The following RCBTB1 variants were observed in gnomAD, a reference collection of about 807,000 sequenced individuals.
RCBTB1 encodes RCC1 and BTB domain-containing protein 1.
A neutral mutation model predicts 62.4 loss-of-function variants in RCBTB1; 46 were observed. The ratio of observed to expected loss-of-function variants is 0.74; its 90% CI spans 0.58 to 0.94. The LOEUF is 0.94. RCBTB1 is among the 40% of genes least tolerant of loss of function. The pLI is 0.00. For missense variants in RCBTB1, 565 were observed against 654.9 expected, an observed-to-expected ratio of 0.86 and a Z score of 1.50; for synonymous variants, 222 against 245.8, an observed-to-expected ratio of 0.90 and a Z score of 0.91.
In RCBTB1 at chr13:49,560,036, T is replaced by C; in HGVS notation, c.326A>G (p.Asn109Ser). The C allele has an allele frequency of 6.2e-7, 1 of 1,614,194 alleles. No homozygotes were observed. The highest frequency in any genetic ancestry group is 2.2e-5 in the East Asian group (1 of 44,884). The change falls in exon 5 of 13, where the codon AAT (asparagine) becomes AGT (serine). Residue 109 changes from asparagine (N) to serine (S), a missense_variant. By Grantham distance (46) the Asn-to-Ser change is conservative. Coordinates refer to ENST00000378302, the MANE Select transcript of RCBTB1 (RefSeq NM_018191.4). ...WGHNGYSQLG[N>S]GTTNQGIAPV... ...AGCAATGCCTTGGTTGGTCGTCCCATTCCCAAGCTGGCTATATCCATTGTG... is the reference window on the plus strand; with the variant it reads ...AGCAATGCCTTGGTTGGTCGTCCCACTCCCAAGCTGGCTATATCCATTGTG...
intron 12 of RCBTB1, among the ~76,000 whole-genome samples, chr13:49,537,227 G>A (rs1960008899): frequency 6.6e-6 from 1 of 152,128 alleles, no homozygotes; most frequent in Non-Finnish European, 1.5e-5. Context: ...TAAAGTAACT[G>A]CAAGACAAAA....
intron 1 of RCBTB1, among the ~76,000 whole-genome samples, chr13:49,584,656 T>A (rs927349171): frequency 6.6e-6 from 1 of 152,114 alleles, no homozygotes; most frequent in Non-Finnish European, 1.5e-5. Context: ...GGGCTTTTAG[T>A]CCTCCCAAAA....
intron 2 of RCBTB1, among the ~76,000 whole-genome samples, chr13:49,567,853 A>G (rs1963131615): frequency 6.6e-6 from 1 of 152,246 alleles, no homozygotes; most frequent in Non-Finnish European, 1.5e-5. Context: ...TTGTCACTGC[A>G]TAGCCAGACT....
intron 8 of RCBTB1, among the ~76,000 whole-genome samples, chr13:49,550,878 G>T (rs1961268086): frequency 6.6e-6 from 1 of 152,204 alleles, no homozygotes; most frequent in South Asian, 2.1e-4. Context: ...GAGGTGGGTA[G>T]ATCACTTGAG....
At chr13:49,542,213 CA>C (rs11285149) in intron 10 of RCBTB1, among the ~76,000 whole-genome samples, 113,724 of 139,326 alleles carry the variant, frequency 0.82, 45,973 homozygotes, top group African/African-American at 0.84. Context: ...AACTCCGTCT[CA>C]AAAAAAAAAA....
In RCBTB1 at chr13:49,566,585, C is replaced by T. The variant is rs1245431675; in HGVS notation, c.277+33G>A. 2.5e-6 allele frequency: 4 copies of T among 1,599,050 alleles called. No individual in the cohort carries two copies. In the South Asian group the frequency reaches 3.4e-5, roughly 13 times the overall value. ...TTAGAATTAACCGGTCAATTTCTTACAAACTGAAAAGTTAGATGGGTTCCC... is the reference window on the plus strand; with the variant it reads ...TTAGAATTAACCGGTCAATTTCTTATAAACTGAAAAGTTAGATGGGTTCCC... On this transcript the variant is annotated intron_variant, in intron 4 of 12. Transcript: ENST00000378302.
intron 5 of RCBTB1, among the ~76,000 whole-genome samples, chr13:49,557,543 G>A (rs1322332771): frequency 6.6e-6 from 1 of 151,836 alleles, no homozygotes; most frequent in African/African-American, 2.4e-5. Context: ...TAAGGATGGG[G>A]TCACTAAAAA....
At position 49,534,264 on chromosome 13, in the gene RCBTB1, T is replaced by C; in HGVS notation, c.1456-2A>G. On this transcript the variant is annotated splice_acceptor_variant, in intron 12 of 12. Coordinates refer to ENST00000378302, the MANE Select transcript of RCBTB1 (RefSeq NM_018191.4). LOFTEE classifies it high-confidence loss of function. ...CTTAAAGCAGAATTCTTCTAAATCCTGGACACACAACAAAAATAAAAACAA... is the reference window on the plus strand; with the variant it reads ...CTTAAAGCAGAATTCTTCTAAATCCCGGACACACAACAAAAATAAAAACAA... The C allele has an allele frequency of 6.2e-7, 1 of 1,608,064 alleles. No individual in the cohort carries two copies. Among genetic ancestry groups the C allele is most frequent in the Admixed American group, 1.7e-5 (1 of 58,774 alleles).
At chr13:49,577,855 AATG>A (rs975973701) in intron 2 of RCBTB1, among the ~76,000 whole-genome samples, 1 of 152,220 alleles carries the variant, frequency 6.6e-6, no homozygotes, top group African/African-American at 2.4e-5. Flanking sequence ...TAATATGCAA[AATG>A]ATATTTTTAA....
At chr13:49,563,378 A>AAAAAAC (rs1305044912) in intron 4 of RCBTB1, among the ~76,000 whole-genome samples, 1 of 151,038 alleles carries the variant, frequency 6.6e-6, no homozygotes, top group Non-Finnish European at 1.5e-5. Context: ...AAAAAAAAAA[A>AAAAAAC]AAGGCCAGGC....
At chr13:49,572,428 G>C (rs1963466823) in intron 2 of RCBTB1, among the ~76,000 whole-genome samples, 4 of 151,936 alleles carry the variant, frequency 2.6e-5, no homozygotes, top group Admixed American at 2.0e-4. Flanking sequence ...AAACATGAAA[G>C]AAAAGTATTA....
Position 49,549,570 on chromosome 13 carries a change from G to A in RCBTB1, c.933C>T (p.Gly311=). The change falls in exon 9 of 13, where the codon GGC becomes GGT. Residue 311 remains glycine, a synonymous_variant. Coordinates refer to ENST00000378302, the MANE Select transcript of RCBTB1 (RefSeq NM_018191.4). ...KTQGGHVYMW[G]QCRGQSVILP... is the part of the protein sequence containing the mutation. ...GGATCACGGACTGACCCCGGCACTG[G>A]CCCCACATGTACACGTGCCCACCCT... The A allele has an allele frequency of 6.2e-7, 1 of 1,614,160 alleles. No homozygotes were observed. Among genetic ancestry groups the A allele is most frequent in the South Asian group, 1.1e-5 (1 of 91,074 alleles).
intron 6 of RCBTB1, among the ~76,000 whole-genome samples, chr13:49,553,673 G>C (rs1173014990): frequency 2.0e-5 from 3 of 152,158 alleles, no homozygotes; most frequent in South Asian, 2.1e-4. Flanking sequence ...CAGCAATGTA[G>C]GGCGGCAGAC....
chr13:49,561,821 GCTGGGCTTGC>G, intron 4 of RCBTB1, among the ~76,000 whole-genome samples: 1 of 151,944 alleles, frequency 6.6e-6, no homozygotes, highest in African/African-American at 2.4e-5. Flanking sequence ...TTTCTATGAG[GCTGGGCTTGC>G]CTGTAATCCC....
Position 49,566,782 on chromosome 13 carries a change from A to G in RCBTB1, c.127-14T>C, listed in dbSNP as rs1393032815. 1.3e-6 allele frequency: 2 copies of G among 1,590,902 alleles called. No individual in the cohort carries two copies. Among genetic ancestry groups the G allele is most frequent in the Non-Finnish European group, 1.7e-6 (2 of 1,171,252 alleles). ...AAATACAAAGACCTAGAAAATAGAT[A>G]GTTTTTTTTCTGAGTCTTTTGACCG... On this transcript the variant is annotated splice_polypyrimidine_tract_variant and intron_variant, in intron 3 of 12. Coordinates refer to ENST00000378302, the MANE Select transcript of RCBTB1 (RefSeq NM_018191.4).
chr13:49,556,025 T>C (rs559150323), intron 5 of RCBTB1, among the ~76,000 whole-genome samples: 78 of 151,946 alleles, frequency 5.1e-4, no homozygotes, highest in African/African-American at 1.7e-3. Flanking sequence ...CCTCTATAAT[T>C]TGTGTGTGTG....
chr13:49,540,256 G>T (rs773677438), intron 12 of RCBTB1, among the ~76,000 whole-genome samples: 1 of 152,102 alleles, frequency 6.6e-6, no homozygotes, highest in East Asian at 1.9e-4. Flanking sequence ...TGCTCACGAG[G>T]AGCTTACAGT....
chr13:49,548,297 C>T (rs1960998416), intron 9 of RCBTB1, among the ~76,000 whole-genome samples: 3 of 150,154 alleles, frequency 2.0e-5, no homozygotes, highest in South Asian at 4.2e-4. Flanking sequence ...GAGGCTAAGG[C>T]AGGAGAACTT....
intron 2 of RCBTB1, 51 bp from the exon 3 acceptor site, chr13:49,567,371 A>C: frequency 7.1e-7 from 1 of 1,411,824 alleles, no homozygotes; most frequent in Non-Finnish European, 9.7e-7. Context: ...CACTGAGCTA[A>C]CTTTCAAAAA....
Sources: allele counts gnomAD v4.1 joint callset (sites outside exome capture counted in the v4.1 genomes callset), GRCh38; gene constraint gnomAD v4.1.1; transcripts MANE v1.5; gene names NCBI Gene and HGNC (gene_info 2026-07-23, HGNC 2026-07-21).